CCNDBP1: variants seen among roughly 807,000 people sequenced by gnomAD.
The protein encoded by CCNDBP1 is cyclin-D1-binding protein 1.
CCNDBP1 carries 45 observed loss-of-function variants against 46.2 expected under a neutral mutation model. The ratio of observed to expected loss-of-function variants is 0.97; its 90% CI spans 0.77 to 1.25. CCNDBP1 has a LOEUF of 1.25. CCNDBP1 is among the 50% of genes most tolerant of loss of function. The pLI is 0.00. For missense variants in CCNDBP1, 436 were observed against 442.1 expected, an observed-to-expected ratio of 0.99 and a Z score of 0.12; for synonymous variants, 154 against 163.6, an observed-to-expected ratio of 0.94 and a Z score of 0.45.
chr15:43,186,931 T>C (rs1455941720), intron 3 of CCNDBP1, among the ~76,000 whole-genome samples: 2 of 152,238 alleles, frequency 1.3e-5, no homozygotes, highest in African/African-American at 4.8e-5. Context: ...ATGAATTACC[T>C]AATTCTGTGT....
intron 8 of CCNDBP1, among the ~76,000 whole-genome samples, chr15:43,191,997 C>A (rs1596393768): frequency 6.6e-6 from 1 of 152,148 alleles, no homozygotes; most frequent in Non-Finnish European, 1.5e-5. Context: ...CTTATTCCTA[C>A]TCTTATTATC....
At chr15:43,193,723 A>G (rs1484891014) in intron 9 of CCNDBP1, among the ~76,000 whole-genome samples, 1 of 152,210 alleles carries the variant, frequency 6.6e-6, no homozygotes, top group African/African-American at 2.4e-5. Flanking sequence ...ATATTTTACA[A>G]TTGAATGTAT....
chr15:43,190,931 C>T (rs771618509), intron 6 of CCNDBP1, 35 bp from the exon 7 acceptor site: 33 of 1,548,280 alleles, frequency 2.1e-5, no homozygotes, highest in Non-Finnish European at 2.3e-5. Flanking sequence ...TGGATTTCTC[C>T]TCTAATTCTA....
intron 9 of CCNDBP1, 44 bp from the exon 10 acceptor site, chr15:43,194,371 T>C (rs1235517944): frequency 6.6e-7 from 1 of 1,505,970 alleles, no homozygotes; most frequent in Non-Finnish European, 8.9e-7. Context: ...CTCACCTTTT[T>C]ATGGTAGGGC....
Position 43,191,473 on chromosome 15 carries a change from G to A in CCNDBP1, c.658G>A (p.Asp220Asn). ...ENNSDNHNHEDDVLGFPSNQD... is the reference protein window; with the variant it reads ...ENNSDNHNHENDVLGFPSNQD... ...CAACTCTGACAACCACAATCATGAG[G>A]ATGATGTGTTGGGGTTTCCCAGCAA... Residue 220 changes from aspartate (D) to asparagine (N), a missense_variant, in exon 8 of 11, where the codon GAT becomes AAT. Asp to Asn is a conservative substitution (Grantham distance 23, BLOSUM62 1). Coordinates refer to ENST00000300213, the MANE Select transcript of CCNDBP1 (RefSeq NM_012142.5). 2 of 1,612,954 alleles carry A rather than the reference G, an allele frequency of 1.2e-6. No individual in the cohort carries two copies. Among genetic ancestry groups the A allele is most frequent in the Non-Finnish European group, 1.7e-6 (2 of 1,179,800 alleles).
chr15:43,185,825 G>C lies in CCNDBP1; in HGVS notation c.115G>C (p.Glu39Gln), dbSNP rs377676602. ...RLLLPRVRVGEAQETTEEFNR... is the reference protein window; with the variant it reads ...RLLLPRVRVGQAQETTEEFNR... ...CCACACGCCACACCCACAAGTCGGC[G>C]AAGCCCAGGAGACCACCGAGGAGTT... Residue 39 changes from glutamate (E) to glutamine (Q), a missense_variant, in exon 2 of 11, where the codon GAA becomes CAA. Coordinates refer to ENST00000300213, the MANE Select transcript of CCNDBP1 (RefSeq NM_012142.5). 5.0e-6 allele frequency: 8 copies of C among 1,610,786 alleles called. No homozygotes were observed. The African/African-American group carries it at 1.1e-4, about 22-fold the overall frequency.
In CCNDBP1 at chr15:43,191,682, G is replaced by T; in HGVS notation, c.860+7G>T. 6.3e-7 allele frequency: 1 copy of T among 1,598,040 alleles called. No homozygotes were observed. Among genetic ancestry groups the T allele is most frequent in the South Asian group, 1.1e-5 (1 of 90,958 alleles). Reference sequence around the variant, plus strand: ...CTGATGAAATCAGCCCTAGGTAAGCGGGATCCCCACTTGAAACATCTGAGC... The same window carrying T: ...CTGATGAAATCAGCCCTAGGTAAGCTGGATCCCCACTTGAAACATCTGAGC... On this transcript the variant is annotated splice_region_variant and intron_variant, in intron 8 of 10. Transcript: ENST00000300213.
Position 43,194,820 on chromosome 15 carries a change from T to A in CCNDBP1, c.1062T>A (p.Thr354=). The A allele has an allele frequency of 1.9e-6, 3 of 1,610,088 alleles. No homozygotes were observed. Among genetic ancestry groups the A allele is most frequent in the Non-Finnish European group, 2.6e-6 (3 of 1,176,278 alleles). ...GCATGAATAGAATCAAGGAGCTCAC[T>A]CAGAGTGAACTTGAATTATGACTTT... ...DHCMNRIKEL[T]QSELEL Residue 354 remains threonine, a synonymous_variant, in exon 11 of 11, where the codon ACT becomes ACA. Transcript: ENST00000300213.
chr15:43,195,858 G>A lies in CCNDBP1; in HGVS notation c.*1017G>A, dbSNP rs1411625245. On this transcript the variant is annotated 3_prime_UTR_variant, in exon 11 of 11. Coordinates refer to ENST00000300213, the MANE Select transcript of CCNDBP1 (RefSeq NM_012142.5). Reference sequence around the variant, plus strand: ...CAGCAACAGCAGTCATTCTTTGAGTGACTAATGTATACTTGGGGTTGGGGT... The same window carrying A: ...CAGCAACAGCAGTCATTCTTTGAGTAACTAATGTATACTTGGGGTTGGGGT... The A allele has an allele frequency of 6.6e-6, 1 of 152,154 alleles. No homozygotes were observed. Among genetic ancestry groups the A allele is most frequent in the Non-Finnish European group, 1.5e-5 (1 of 68,026 alleles). 9.4% of individuals were successfully genotyped at this position (152,154 alleles called of 1,614,324 possible). A position where few individuals can be genotyped will look rare whatever the true frequency, so the allele number is the denominator to read the frequency against.
At chr15:43,188,330 A>G (rs2142229201) in intron 3 of CCNDBP1, 1 of 152,172 alleles carries the variant, frequency 6.6e-6, no homozygotes, top group East Asian at 1.9e-4. Context: ...TTCTGTTAAA[A>G]AAAGAGAGAG....
chr15:43,186,214 T>G lies in CCNDBP1; in HGVS notation c.230T>G (p.Leu77Arg), dbSNP rs1451076687. 3 of 1,614,084 alleles carry G rather than the reference T, an allele frequency of 1.9e-6. No homozygotes were observed. In the South Asian group the frequency reaches 3.3e-5, roughly 18 times the overall value. The change falls in exon 3 of 11, where the codon CTT (leucine) becomes CGT (arginine). Residue 77 changes from leucine to arginine, a missense_variant. Transcript: ENST00000300213. Reference sequence around the variant, plus strand: ...ACTCTGACCATAGTCTTCTCTCAGCTTCCACTGCCGTCTCCACAGGTGGGC... The same window carrying G: ...ACTCTGACCATAGTCTTCTCTCAGCGTCCACTGCCGTCTCCACAGGTGGGC... The part of the protein sequence containing the change: ...ATTLTIVFSQ[L>R]PLPSPQETQK...
At chr15:43,187,271 A>ATTT (rs1444319407) in intron 3 of CCNDBP1, among the ~76,000 whole-genome samples, 2 of 141,652 alleles carry the variant, frequency 1.4e-5, no homozygotes, top group Non-Finnish European at 3.1e-5. Flanking sequence ...TACCTTTGAG[A>ATTT]TTTTTTTTTT....
rs368088564 is a variant in CCNDBP1, at chr15:43,186,151, C to T, written c.170-3C>T. On this transcript the variant is annotated splice_polypyrimidine_tract_variant and splice_region_variant and intron_variant, in intron 2 of 10. Transcript: ENST00000300213. ...ACCTGCCTCCTCTTCGGCCACCCCC[C>T]AGATGAGGCAGCTGTGACTGTGTCA... 3.1e-6 allele frequency: 5 copies of T among 1,613,798 alleles called. No individual in the cohort carries two copies. The highest frequency in any genetic ancestry group is 1.3e-5 in the African/African-American group (1 of 74,938).
intron 4 of CCNDBP1, 77 bp downstream of exon 4, chr15:43,189,357 T>A: frequency 1.2e-6 from 1 of 818,916 alleles, no homozygotes; most frequent in Non-Finnish European, 1.9e-6. Flanking sequence ...CTTTTACCTT[T>A]ACCCAACTTG....
At chr15:43,190,506 G>A in intron 6 of CCNDBP1, 108 bp downstream of exon 6, 1 of 735,754 alleles carries the variant, frequency 1.4e-6, no homozygotes, top group Non-Finnish European at 2.3e-6. Flanking sequence ...ACAGTCTAGT[G>A]AAATATATAT....
Position 43,196,892 on chromosome 15 carries a change from G to A in CCNDBP1, c.*2051G>A. ...TTGGATTCCCAGTGTTGGAGGTGGGGCCTAATGGGAGGTGTTTGGATCCCT... is the reference window on the plus strand; with the variant it reads ...TTGGATTCCCAGTGTTGGAGGTGGGACCTAATGGGAGGTGTTTGGATCCCT... On this transcript the variant is annotated 3_prime_UTR_variant, in exon 11 of 11. Transcript: ENST00000300213. 3.5e-6 allele frequency: 1 copy of A among 281,946 alleles called. No individual in the cohort carries two copies. Among genetic ancestry groups the A allele is most frequent in the South Asian group, 3.6e-5 (1 of 27,812 alleles). 17.5% of individuals were successfully genotyped at this position (281,946 alleles called of 1,614,324 possible). A position where few individuals can be genotyped will look rare whatever the true frequency, so the allele number is the denominator to read the frequency against.
rs2042029739 is a variant in CCNDBP1, at chr15:43,195,622, T to C, written c.*781T>C. On this transcript the variant is annotated 3_prime_UTR_variant, in exon 11 of 11. Transcript: ENST00000300213. The stretch of plus-strand genomic sequence containing the variant: ...TTAAGGGCCTTTTCAGTTCATCCTT[T>C]TGCAAAACCATCACCACTTAATTAT... 1 of 152,224 alleles carries C rather than the reference T, an allele frequency of 6.6e-6. No homozygotes were observed. Among genetic ancestry groups the C allele is most frequent in the African/African-American group, 2.4e-5 (1 of 41,462 alleles). 9.4% of individuals were successfully genotyped at this position (152,224 alleles called of 1,614,324 possible).
chr15:43,188,398 T>G (rs1019006782), intron 3 of CCNDBP1: 5 of 152,218 alleles, frequency 3.3e-5, no homozygotes, highest in African/African-American at 1.2e-4. Context: ...TCTCTCTCCC[T>G]CCCTCTCTTT....
At chr15:43,193,332 CAAAAAAAAAAAA>C (rs60206861) in intron 9 of CCNDBP1, 8 of 39,128 alleles carry the variant, frequency 2.0e-4, no homozygotes, top group East Asian at 9.7e-4. Flanking sequence ...GACTCTGTCT[CAAAAAAAAAAAA>C]AAAAAAAAAA....
Sources: allele counts gnomAD v4.1 joint callset (sites outside exome capture counted in the v4.1 genomes callset), GRCh38; gene constraint gnomAD v4.1.1; transcripts MANE v1.5; gene names NCBI Gene and HGNC (gene_info 2026-07-23, HGNC 2026-07-21).